UIMC1: variants seen among roughly 807,000 people sequenced by gnomAD.
The protein encoded by UIMC1 is BRCA1-A complex subunit RAP80.
UIMC1 carries 42 observed loss-of-function variants against 84.9 expected under a neutral mutation model. The ratio of observed to expected loss-of-function variants is 0.49; its 90% CI spans 0.39 to 0.64. The LOEUF is 0.64. UIMC1 is among the 30% of genes least tolerant of loss of function. The pLI is 0.00. For missense variants in UIMC1, 825 were observed against 847.6 expected (o/e 0.97, Z 0.33); for synonymous variants, 281 against 293.0 (o/e 0.96, Z 0.42).
chr5:176,966,106 T>C (rs965939066), intron 6 of UIMC1, among the ~76,000 whole-genome samples: 16 of 152,222 alleles, frequency 1.1e-4, no homozygotes, highest in Non-Finnish European at 7.3e-5. Flanking sequence ...CTTCTCTTCC[T>C]AGACAACAAT....
chr5:176,992,463 TAA>T (rs58677475), intron 1 of UIMC1, among the ~76,000 whole-genome samples: 7 of 141,596 alleles, frequency 4.9e-5, no homozygotes, highest in Admixed American at 7.1e-5. Flanking sequence ...TGTCTCAGTT[TAA>T]AAAAAAAAAA....
chr5:176,937,447 C>G (rs1407977108), intron 10 of UIMC1, among the ~76,000 whole-genome samples: 1 of 152,040 alleles, frequency 6.6e-6, no homozygotes, highest in Non-Finnish European at 1.5e-5. Context: ...GAGCCGAGAT[C>G]GTGCCACTGC....
At chr5:177,009,105 C>G (rs1321072658), upstream of UIMC1, among the ~76,000 whole-genome samples, 1 of 151,930 alleles carries the variant, frequency 6.6e-6, no homozygotes, top group Non-Finnish European at 1.5e-5. The surrounding 1 kb of genome is among the most constrained non-coding windows in gnomAD (Gnocchi z 4.3). Flanking sequence ...CTCCTGAGCT[C>G]AAGCTATCCT....
intron 10 of UIMC1, among the ~76,000 whole-genome samples, chr5:176,917,631 CTACT>C (rs1462535150): frequency 6.6e-6 from 1 of 152,078 alleles, no homozygotes; most frequent in Non-Finnish European, 1.5e-5. Flanking sequence ...AGACATGTGG[CTACT>C]TAAATTTAAA....
intron 10 of UIMC1, among the ~76,000 whole-genome samples, chr5:176,915,098 G>A (rs1014795495): frequency 1.3e-5 from 2 of 152,148 alleles, no homozygotes; most frequent in Admixed American, 1.3e-4. Flanking sequence ...AGATAGGGAT[G>A]GAAAAAGAAT....
chr5:176,977,986 A>G (rs545382247), intron 2 of UIMC1, among the ~76,000 whole-genome samples: 45 of 152,298 alleles, frequency 3.0e-4, no homozygotes, highest in African/African-American at 1.1e-3. Flanking sequence ...AGATTATTCC[A>G]GCTGCTTTTT....
In UIMC1 at chr5:176,912,193, T is replaced by C. The variant is rs746893246; in HGVS notation, c.1598-804A>G. ...ATCTAGTCCAGGGGTCAGCAAACTT[T>C]ATCTGTGGAGACAGAGAGTAAATAT... On this transcript the variant is annotated intron_variant, in intron 10 of 14. Coordinates refer to ENST00000511320, the MANE Select transcript of UIMC1 (RefSeq NM_001199298.2). Among the ~76,000 whole-genome samples, 104 of 152,224 alleles carry C rather than the reference T, an allele frequency of 6.8e-4. 1 individual carries two copies. The highest frequency in any genetic ancestry group is 1.2e-3 in the Non-Finnish European group (85 of 68,040).
intron 12 of UIMC1, among the ~76,000 whole-genome samples, chr5:176,908,128 T>A (rs1250864448): frequency 1.3e-5 from 2 of 152,138 alleles, no homozygotes; most frequent in African/African-American, 4.8e-5. Flanking sequence ...GTACTAGATA[T>A]ATAGTATGTT....
chr5:176,952,431 T>C (rs766433011), intron 8 of UIMC1, among the ~76,000 whole-genome samples: 6 of 152,188 alleles, frequency 3.9e-5, no homozygotes, highest in Admixed American at 1.3e-4. Context: ...TGTAGTCTAG[T>C]TCAGGGGCCA....
At chr5:176,937,355 C>A (rs904440448) in intron 10 of UIMC1, among the ~76,000 whole-genome samples, 2 of 152,022 alleles carry the variant, frequency 1.3e-5, no homozygotes, top group Non-Finnish European at 2.9e-5. Flanking sequence ...ATTAGCCGAG[C>A]GTGGTAGCAG....
At position 177,021,075 on chromosome 5, in the gene UIMC1, T is replaced by G. The variant is rs534413529; in HGVS notation, c.-9+1389A>C. On this transcript the variant is annotated intron_variant, in intron 1 of 5. Coordinates refer to the UIMC1 transcript ENST00000509236. ...CAGGCAGATTATGAGATCAGGAGTT[T>G]GAGATCAGCCTAGCTAACATAGTGA... is the stretch of plus-strand genomic sequence containing the variant. Among the ~76,000 whole-genome samples the G allele has an allele frequency of 4.3e-3, 657 of 152,146 alleles. 2 individuals are homozygous for G. The highest frequency in any genetic ancestry group is 0.015 in the African/African-American group (618 of 41,522).
At chr5:176,950,698 C>T (rs896789964) in intron 9 of UIMC1, among the ~76,000 whole-genome samples, 3 of 151,546 alleles carry the variant, frequency 2.0e-5, no homozygotes, top group African/African-American at 7.3e-5. Context: ...GGTGAAACCC[C>T]GTCTCTACTA....
At chr5:177,022,454 A>T in intron 1 of UIMC1, 1 of 412,608 alleles carries the variant, frequency 2.4e-6, no homozygotes, top group East Asian at 4.2e-5. Flanking sequence ...GAAAAGTATC[A>T]AGGGCTGACC....
intron 10 of UIMC1, among the ~76,000 whole-genome samples, chr5:176,920,491 TTTTA>T (rs1761569764): frequency 6.6e-6 from 1 of 152,202 alleles, no homozygotes; most frequent in African/African-American, 2.4e-5. Context: ...CAGAGAAGTT[TTTTA>T]TTTCTTTTGT....
intron 10 of UIMC1, among the ~76,000 whole-genome samples, chr5:176,921,201 T>C (rs771241326): frequency 2.6e-5 from 4 of 152,186 alleles, no homozygotes; most frequent in Non-Finnish European, 4.4e-5. Flanking sequence ...ACCCATATCC[T>C]CTGCCTTCCC....
At chr5:176,958,719 T>C (rs1766926600) in intron 6 of UIMC1, among the ~76,000 whole-genome samples, 1 of 152,256 alleles carries the variant, frequency 6.6e-6, no homozygotes, top group Non-Finnish European at 1.5e-5. Context: ...TCTGCCACTA[T>C]GGTTTTTATA....
At chr5:176,991,198 A>C (rs1016885285) in intron 1 of UIMC1, among the ~76,000 whole-genome samples, 18 of 151,124 alleles carry the variant, frequency 1.2e-4, no homozygotes, top group Non-Finnish European at 2.4e-4. Context: ...TTTAGTAGAG[A>C]TGGGGTTTCA....
At chr5:176,913,983 A>AATACC (rs1325596019) in intron 10 of UIMC1, among the ~76,000 whole-genome samples, 47 of 151,560 alleles carry the variant, frequency 3.1e-4, no homozygotes, top group African/African-American at 9.7e-4. Context: ...TCAAAAAATT[A>AATACC]ATACCATACC....
At chr5:176,941,933 T>C (rs1013910658) in intron 10 of UIMC1, among the ~76,000 whole-genome samples, 1 of 151,962 alleles carries the variant, frequency 6.6e-6, no homozygotes, top group Non-Finnish European at 1.5e-5. Context: ...AACCTCTGCC[T>C]CCCGGGTTCA....
Sources: allele counts gnomAD v4.1 joint callset (sites outside exome capture counted in the v4.1 genomes callset), GRCh38; gene constraint gnomAD v4.1.1; non-coding constraint Gnocchi (gnomAD v3.1); transcripts MANE v1.5; gene names NCBI Gene and HGNC (gene_info 2026-07-23, HGNC 2026-07-21).